The following RAB1A variants were observed in gnomAD, a reference collection of about 807,000 sequenced individuals.
RAB1A encodes the protein ras-related protein Rab-1A.
In RAB1A, 2 loss-of-function variants were observed where a neutral mutation model predicts 26.0. The ratio of observed to expected loss-of-function variants is 0.08; its 90% CI spans 0.03 to 0.24. The LOEUF is 0.24. Ranked by LOEUF, RAB1A falls within the 10% of genes least tolerant of loss-of-function variation. The pLI, the probability that RAB1A is intolerant of heterozygous loss-of-function variation, is 1.00. For missense variants in RAB1A, 100 were observed against 247.0 expected, an observed-to-expected ratio of 0.40 and a Z score of 3.99; for synonymous variants, 84 against 84.9, an observed-to-expected ratio of 0.99 and a Z score of 0.06.
chr2:65,120,485 A>G (rs1669938496), intron 1 of RAB1A, among the ~76,000 whole-genome samples: 1 of 151,382 alleles, frequency 6.6e-6, no homozygotes, highest in African/African-American at 2.4e-5. Flanking sequence ...AAAAAACTCA[A>G]ATGAGTTTGG....
intron 2 of RAB1A, among the ~76,000 whole-genome samples, chr2:65,101,773 G>A (rs1212480537): frequency 8.6e-6 from 1 of 116,506 alleles, no homozygotes; most frequent in Admixed American, 9.6e-5. Flanking sequence ...TTTTGAGATG[G>A]AGTTTCGCTC....
In RAB1A at chr2:65,129,875, G is replaced by A. The variant is rs773238535; in HGVS notation, c.23+18C>T. Reference sequence around the variant, plus strand: ...GCTGGCCCACGGACCCAGCCGACCGGTGCTCTCCTGAACTCACTATTCGGG... The same window carrying A: ...GCTGGCCCACGGACCCAGCCGACCGATGCTCTCCTGAACTCACTATTCGGG... On this transcript the variant is annotated intron_variant, in intron 1 of 5. Coordinates refer to ENST00000409784, the MANE Select transcript of RAB1A (RefSeq NM_004161.5). 6.3e-7 allele frequency: 1 copy of A among 1,592,738 alleles called. No homozygotes were observed. The highest frequency in any genetic ancestry group is 8.5e-7 in the Non-Finnish European group (1 of 1,170,632).
intron 1 of RAB1A, among the ~76,000 whole-genome samples, chr2:65,112,698 A>C (rs1437378317): frequency 6.6e-6 from 1 of 152,230 alleles, no homozygotes; most frequent in African/African-American, 2.4e-5. Flanking sequence ...GCCTGGACAG[A>C]AAGGAGGAGG....
chr2:65,130,066 T>G lies in RAB1A; in HGVS notation c.-151A>C. 1 of 855,120 alleles carries G rather than the reference T, an allele frequency of 1.2e-6. No individual in the cohort carries two copies. Among genetic ancestry groups the G allele is most frequent in the East Asian group, 2.7e-5 (1 of 37,462 alleles). The allele number at this position is 855,120 out of a possible 1,614,324, so 53.0% of individuals were successfully genotyped here. ...CCCTACTCCGTCCCCTAGAACACAA[T>G]CAGCAGCCGCCGCCACTCAGCTATC... On this transcript the variant is annotated 5_prime_UTR_variant, in exon 1 of 6. Transcript: ENST00000409784.
intron 1 of RAB1A, among the ~76,000 whole-genome samples, chr2:65,115,802 T>C (rs1038140390): frequency 6.6e-6 from 1 of 152,208 alleles, no homozygotes; most frequent in Non-Finnish European, 1.5e-5. Context: ...CTTTGGTATT[T>C]AGAGACAATA....
chr2:65,092,836 G>A (rs1669203183), intron 3 of RAB1A, among the ~76,000 whole-genome samples: 2 of 152,166 alleles, frequency 1.3e-5, no homozygotes, highest in African/African-American at 4.8e-5. Flanking sequence ...TTGGATTATG[G>A]AGAAGTGATT....
chr2:65,093,514 A>G (rs1248233721), intron 3 of RAB1A, among the ~76,000 whole-genome samples: 1 of 152,244 alleles, frequency 6.6e-6, no homozygotes, highest in Non-Finnish European at 1.5e-5. Context: ...AAAGATAATT[A>G]AAATATAAAT....
chr2:65,096,822 C>T (rs1202381666), intron 3 of RAB1A, among the ~76,000 whole-genome samples: 1 of 152,194 alleles, frequency 6.6e-6, no homozygotes, highest in Non-Finnish European at 1.5e-5. Flanking sequence ...CTATCAAACA[C>T]CCATTTATCT....
At chr2:65,097,061 A>T (rs1051987019) in intron 3 of RAB1A, among the ~76,000 whole-genome samples, 1 of 150,824 alleles carries the variant, frequency 6.6e-6, no homozygotes, top group Admixed American at 6.6e-5. Context: ...GGTAAATACT[A>T]GAACCAAGAC....
rs1322182218 is a variant in RAB1A at position 65,087,700 on chromosome 2, G to A, written c.*793C>T. 1 of 152,618 alleles carries A rather than the reference G, an allele frequency of 6.6e-6. No individual in the cohort carries two copies. The highest frequency in any genetic ancestry group is 1.5e-5 in the Non-Finnish European group (1 of 68,050). The allele number at this position is 152,618 out of a possible 1,614,324, so 9.5% of individuals were successfully genotyped here. A position where few individuals can be genotyped will look rare whatever the true frequency, so the allele number is the denominator to read the frequency against. On this transcript the variant is annotated 3_prime_UTR_variant, in exon 6 of 6. Transcript: ENST00000409784. ...CCTACACAGCACAGAAGCCCCTCTA[G>A]GTCATGTTATTGGGCATATTATCTA... is the stretch of plus-strand genomic sequence containing the variant.
rs1669159822 is a variant in RAB1A, at chr2:65,091,085, C to T, written c.193-7G>A. ...CCTGGCCTGCTGTGTCCCACTATTACAAAACAATCAAGAAATCCAAACAAT... is the reference window on the plus strand; with the variant it reads ...CCTGGCCTGCTGTGTCCCACTATTATAAAACAATCAAGAAATCCAAACAAT... On this transcript the variant is annotated splice_polypyrimidine_tract_variant and splice_region_variant and intron_variant, in intron 3 of 5. Transcript: ENST00000409784. 6.2e-7 allele frequency: 1 copy of T among 1,600,282 alleles called. No individual in the cohort carries two copies. The highest frequency in any genetic ancestry group is 8.6e-7 in the Non-Finnish European group (1 of 1,168,690).
At chr2:65,121,253 A>AC (rs1393601638) in intron 1 of RAB1A, among the ~76,000 whole-genome samples, 2 of 151,604 alleles carry the variant, frequency 1.3e-5, no homozygotes, top group African/African-American at 2.4e-5. Context: ...AAAAAAAAAA[A>AC]ACCATAGCCA....
At chr2:65,095,318 G>T (rs1315064929) in intron 3 of RAB1A, among the ~76,000 whole-genome samples, 2 of 151,920 alleles carry the variant, frequency 1.3e-5, no homozygotes, top group African/African-American at 4.8e-5. Context: ...CTATAAGCGT[G>T]AACCACGACG....
At chr2:65,111,304 T>C (rs974816434) in intron 1 of RAB1A, among the ~76,000 whole-genome samples, 12 of 151,568 alleles carry the variant, frequency 7.9e-5, no homozygotes, top group Admixed American at 2.0e-4. Flanking sequence ...GGAGGCTGCA[T>C]TGAGCCAAGA....
intron 4 of RAB1A, among the ~76,000 whole-genome samples, chr2:65,090,551 A>C (rs1472637297): frequency 1.3e-5 from 2 of 152,102 alleles, no homozygotes; most frequent in Non-Finnish European, 2.9e-5. Context: ...TTATTTCTGA[A>C]CCACATCCTC....
intron 1 of RAB1A, among the ~76,000 whole-genome samples, chr2:65,119,841 CAAAAAA>C (rs1178958164): frequency 2.4e-3 from 89 of 36,430 alleles, no homozygotes; most frequent in Non-Finnish European, 3.7e-3. Flanking sequence ...CCTGTCTCTA[CAAAAAA>C]AAAAAAAAAA....
chr2:65,124,934 TTTC>T (rs769707363), intron 1 of RAB1A, among the ~76,000 whole-genome samples: 20 of 152,162 alleles, frequency 1.3e-4, no homozygotes, highest in Admixed American at 6.6e-4. Context: ...ACTAGTTATC[TTTC>T]TTCTTTAAAC....
chr2:65,101,049 G>A (rs975526536), intron 2 of RAB1A, among the ~76,000 whole-genome samples: 1 of 151,764 alleles, frequency 6.6e-6, no homozygotes, highest in African/African-American at 2.4e-5. Context: ...GGGAGGCTGA[G>A]GCATGAGAAT....
chr2:65,104,869 A>G (rs1669516399), intron 1 of RAB1A, 63 bp from the exon 2 acceptor site: 2 of 1,274,740 alleles, frequency 1.6e-6, no homozygotes, highest in South Asian at 2.4e-5. Context: ...AAGCTATACA[A>G]AAACAAAAAC....
Sources: gnomAD v4.1 joint callset for allele counts (sites outside exome capture counted in the v4.1 genomes callset) on GRCh38, gnomAD v4.1.1 for gene constraint, MANE v1.5 for transcripts, NCBI Gene and HGNC (gene_info 2026-07-23, HGNC 2026-07-21) for gene names.